The following SLC23A1 variants were observed in gnomAD, a reference collection of about 807,000 sequenced individuals.
SLC23A1 encodes Na(+)/L-ascorbic acid transporter 1.
In SLC23A1, 31 loss-of-function variants were observed where a neutral mutation model predicts 62.5. The observed-to-expected ratio is 0.50, with a 90% CI of 0.37 to 0.67. The LOEUF is 0.67. Ranked by LOEUF, SLC23A1 falls within the 30% of genes least tolerant of loss-of-function variation. The probability of loss-of-function intolerance (pLI) is 0.00; values close to 1 mark genes in which losing one functional copy is unlikely to be tolerated. For missense variants in SLC23A1, 640 were observed against 782.7 expected, an observed-to-expected ratio of 0.82 and a Z score of 2.18; for synonymous variants, 271 against 313.2, an observed-to-expected ratio of 0.87 and a Z score of 1.42.
chr5:139,368,124 A>G (rs1757394265), intron 14 of SLC23A1, among the ~76,000 whole-genome samples: 2 of 152,236 alleles, frequency 1.3e-5, no homozygotes, highest in South Asian at 4.1e-4. Context: ...TCACGAGGTC[A>G]GGAGATCGAG....
In SLC23A1 at chr5:139,381,983, C is replaced by CCA; in HGVS notation, c.215_216dup (p.Gly73TrpfsTer72). ...TGACTAACCATGTGCTGGTCGTGGC[C>CCA]CACACACAGCGCCTCAGCCAGCAGG... On this transcript the variant is annotated frameshift_variant, in exon 3 of 15. Coordinates refer to ENST00000348729, the MANE Select transcript of SLC23A1 (RefSeq NM_005847.5). LOFTEE classifies it high-confidence loss of function. 1.9e-6 allele frequency: 3 copies of CCA among 1,603,596 alleles called. No homozygotes were observed. Among genetic ancestry groups the CCA allele is most frequent in the Non-Finnish European group, 2.6e-6 (3 of 1,175,260 alleles).
In SLC23A1 at chr5:139,372,216, AG is replaced by A; in HGVS notation, c.1586del (p.Ala529ValfsTer24). ...ACATGTCACTGTTGGCATGAGCCCC[AG>A]CTTTCCACTGTATCAGACCACGCTC... ...PEERGLIQWK[A>X]GAHANSDMSS... On this transcript the variant is annotated frameshift_variant, in exon 14 of 15. Transcript: ENST00000348729. LOFTEE classifies it high-confidence loss of function. 6.2e-7 allele frequency: 1 copy of A among 1,613,760 alleles called. No individual in the cohort carries two copies. Among genetic ancestry groups the A allele is most frequent in the Non-Finnish European group, 8.5e-7 (1 of 1,179,642 alleles).
chr5:139,383,316 G>C (rs1200944469), upstream of SLC23A1: 1 of 1,595,348 alleles, frequency 6.3e-7, no homozygotes, highest in Admixed American at 1.7e-5. Flanking sequence ...AAAGGCCAAG[G>C]AGGAGGACTT....
intron 14 of SLC23A1, among the ~76,000 whole-genome samples, chr5:139,368,245 C>G (rs1757410796): frequency 1.3e-5 from 2 of 151,582 alleles, no homozygotes; most frequent in African/African-American, 4.8e-5. Context: ...GGATGAGAGA[C>G]AGGAGAATGG....
chr5:139,384,323 G>A (rs1421537241), upstream of SLC23A1: 1 of 1,252,758 alleles, frequency 8.0e-7, no homozygotes, highest in Non-Finnish European at 1.0e-6. Flanking sequence ...TCCCCTCTGG[G>A]CTGCCCCAGC....
chr5:139,372,744 C>T (rs1757742362), intron 13 of SLC23A1, among the ~76,000 whole-genome samples: 5 of 151,970 alleles, frequency 3.3e-5, no homozygotes, highest in Non-Finnish European at 7.4e-5. Flanking sequence ...ACCACCATGC[C>T]CAGCTAATTT....
intron 13 of SLC23A1, among the ~76,000 whole-genome samples, chr5:139,376,231 A>C (rs1757939327): frequency 6.8e-6 from 1 of 146,008 alleles, no homozygotes; most frequent in Non-Finnish European, 1.5e-5. Context: ...GTGCAATGGC[A>C]CGATCTCGGC....
chr5:139,382,464 G>GC (rs1177087113), intron 2 of SLC23A1, 28 bp downstream of exon 2: 1 of 1,318,936 alleles, frequency 7.6e-7, no homozygotes, highest in Non-Finnish European at 1.1e-6. Flanking sequence ...TGTGCAGAGT[G>GC]AGGGCGGGGA....
rs778543276 is a variant in SLC23A1, at chr5:139,378,147, G to T, written c.1310-29C>A. ...AGGGCGCAAGAGAACGGCTGGAGGC[G>T]CCGCACACGCGTAATCCAGGTGAGT... is the stretch of plus-strand genomic sequence containing the variant. On this transcript the variant is annotated intron_variant, in intron 11 of 14. Coordinates refer to ENST00000348729, the MANE Select transcript of SLC23A1 (RefSeq NM_005847.5). The surrounding 1 kb of genome is among the most constrained non-coding windows in gnomAD (Gnocchi z 4.5). 1 of 1,613,682 alleles carries T rather than the reference G, an allele frequency of 6.2e-7. No homozygotes were observed. The highest frequency in any genetic ancestry group is 1.7e-5 in the Admixed American group (1 of 59,954).
At chr5:139,384,750 C>G, upstream of SLC23A1, 4 of 985,402 alleles carry the variant, frequency 4.1e-6, no homozygotes, top group Non-Finnish European at 4.8e-6. Flanking sequence ...GGGGCCCACA[C>G]ACCCAGAGCT....
chr5:139,379,796 A>T lies in SLC23A1; in HGVS notation c.807T>A (p.Tyr269Ter). The T allele has an allele frequency of 6.2e-7, 1 of 1,614,148 alleles. No homozygotes were observed. The highest frequency in any genetic ancestry group is 8.5e-7 in the Non-Finnish European group (1 of 1,180,010). ...LAIMTVWLLC[Y>*]VLTLTDVLPT... Reference sequence around the variant, plus strand: ...GCAGCACGTCTGTCAAGGTCAGGACATAGCAGAGCAGCCACACGGTCATGA... The same window carrying T: ...GCAGCACGTCTGTCAAGGTCAGGACTTAGCAGAGCAGCCACACGGTCATGA... The change falls in exon 8 of 15, where the codon TAT (tyrosine) becomes TAA (stop). Residue 269 changes from tyrosine (Y) to a stop codon, truncating the protein, a stop_gained. Coordinates refer to ENST00000348729, the MANE Select transcript of SLC23A1 (RefSeq NM_005847.5). LOFTEE classifies it high-confidence loss of function. The surrounding 1 kb of genome is among the most constrained non-coding windows in gnomAD (Gnocchi z 4.7).
intron 2 of SLC23A1, 104 bp downstream of exon 2, chr5:139,382,388 A>G: frequency 1.5e-6 from 1 of 660,964 alleles, no homozygotes. Context: ...TGCTGACCTC[A>G]GGTTTTTCTT....
At position 139,378,744 on chromosome 5, in the gene SLC23A1, A is replaced by C; in HGVS notation, c.1074-60T>G. 7.8e-7 allele frequency: 1 copy of C among 1,288,042 alleles called. No individual in the cohort carries two copies. The allele number at this position is 1,288,042 out of a possible 1,614,324, so 79.8% of individuals were successfully genotyped here. A position where few individuals can be genotyped will look rare whatever the true frequency, so the allele number is the denominator to read the frequency against. On this transcript the variant is annotated intron_variant, in intron 9 of 14. Coordinates refer to ENST00000348729, the MANE Select transcript of SLC23A1 (RefSeq NM_005847.5). This position sits in a 1 kb window ranked among gnomAD's most constrained non-coding sequence, Gnocchi z 4.5. The stretch of plus-strand genomic sequence containing the variant: ...CCTCTGCACCAGTCTGTGTTCCCCC[A>C]TCATCTTAGCAAGCTGCCGTCCTCT...
At chr5:139,384,874 T>G (rs1758448975), upstream of SLC23A1, 3 of 421,730 alleles carry the variant, frequency 7.1e-6, no homozygotes, top group South Asian at 3.0e-4. Flanking sequence ...TTCCTCCTGG[T>G]GTCTAGGGTT....
chr5:139,381,836 G>A (rs1002221997), intron 3 of SLC23A1, 56 bp downstream of exon 3: 12 of 1,422,208 alleles, frequency 8.4e-6, no homozygotes, highest in Admixed American at 6.0e-5. Context: ...TGCTCCTGCT[G>A]TGTGGATCAC....
At chr5:139,372,731 T>C (rs1441551235) in intron 13 of SLC23A1, among the ~76,000 whole-genome samples, 4 of 152,096 alleles carry the variant, frequency 2.6e-5, no homozygotes, top group East Asian at 1.9e-4. Context: ...ATTACAGGCA[T>C]GCACCACCAT....
Position 139,378,594 on chromosome 5 carries a change from G to GTA in SLC23A1, c.1163_1164insTA (p.Leu389ThrfsTer51), listed in dbSNP as rs1266034077. The GTA allele has an allele frequency of 6.2e-7, 1 of 1,608,416 alleles. No homozygotes were observed. Among genetic ancestry groups the GTA allele is most frequent in the Non-Finnish European group, 8.5e-7 (1 of 1,177,562 alleles). On this transcript the variant is annotated frameshift_variant, in exon 10 of 15. Coordinates refer to ENST00000348729, the MANE Select transcript of SLC23A1 (RefSeq NM_005847.5). LOFTEE classifies it high-confidence loss of function. The surrounding 1 kb of genome is among the most constrained non-coding windows in gnomAD (Gnocchi z 4.5). ...GTCGCGACACCTTGGTAATTCCCAG[G>GTA]ACGCCAATGTTGGGACTGGACGAGG... is the stretch of plus-strand genomic sequence containing the variant.
At chr5:139,373,577 A>C (rs981905176) in intron 13 of SLC23A1, among the ~76,000 whole-genome samples, 1 of 152,160 alleles carries the variant, frequency 6.6e-6, no homozygotes, top group African/African-American at 2.4e-5. Context: ...AGACTGAAAT[A>C]CTATAAATCT....
chr5:139,367,868 T>C (rs1757365597), intron 14 of SLC23A1, among the ~76,000 whole-genome samples: 1 of 152,212 alleles, frequency 6.6e-6, no homozygotes, highest in Non-Finnish European at 1.5e-5. Flanking sequence ...TGGTTACACT[T>C]AAGCAAACTG....
Sources: gnomAD v4.1 joint callset for allele counts (sites outside exome capture counted in the v4.1 genomes callset) on GRCh38, gnomAD v4.1.1 for gene constraint, Gnocchi (gnomAD v3.1) non-coding constraint, MANE v1.5 for transcripts, NCBI Gene and HGNC (gene_info 2026-07-23, HGNC 2026-07-21) for gene names.